Variants in LUC7L observed in about 807,000 individuals in gnomAD.
LUC7L encodes putative RNA-binding protein Luc7-like 1.
LUC7L carries 29 observed loss-of-function variants against 51.1 expected under a neutral mutation model. That is an observed-to-expected ratio of 0.57 (90% CI 0.42 to 0.77). LUC7L has a LOEUF of 0.77. Ranked by LOEUF, LUC7L falls within the 30% of genes least tolerant of loss-of-function variation. The probability of loss-of-function intolerance (pLI) is 0.00; values close to 1 mark genes in which losing one functional copy is unlikely to be tolerated. For missense variants in LUC7L, 403 were observed against 511.9 expected, an observed-to-expected ratio of 0.79 and a Z score of 2.05; for synonymous variants, 181 against 180.7, an observed-to-expected ratio of 1.00 and a Z score of -0.01.
intron 3 of LUC7L, among the ~76,000 whole-genome samples, chr16:213,775 C>T (rs899456452): frequency 4.5e-4 from 68 of 151,980 alleles, no homozygotes; most frequent in African/African-American, 1.4e-3. Flanking sequence ...AGTGCAGTGG[C>T]GCAATCTCGG....
intron 2 of LUC7L, 107 bp downstream of exon 2, chr16:227,135 G>C (rs764019440): frequency 2.4e-4 from 199 of 829,308 alleles, no homozygotes; most frequent in Non-Finnish European, 3.4e-4. Context: ...AAGCCACTTA[G>C]AGAAAAAGAG....
intron 4 of LUC7L, among the ~76,000 whole-genome samples, chr16:207,721 T>C (rs1423791718): frequency 2.0e-5 from 3 of 152,058 alleles, no homozygotes; most frequent in Non-Finnish European, 4.4e-5. Context: ...TTAATAGCTA[T>C]TGACAACGCC....
At chr16:216,075 C>A (rs2049787481) in intron 3 of LUC7L, among the ~76,000 whole-genome samples, 1 of 152,056 alleles carries the variant, frequency 6.6e-6, no homozygotes, top group African/African-American at 2.4e-5. Flanking sequence ...GATCTTGGCT[C>A]ACTGCAACCT....
chr16:226,248 G>GCT (rs2050130101), intron 2 of LUC7L, among the ~76,000 whole-genome samples: 1 of 152,156 alleles, frequency 6.6e-6, no homozygotes, highest in Non-Finnish European at 1.5e-5. Flanking sequence ...TATAAGCAAT[G>GCT]ATTCATCATG....
chr16:223,229 G>C (rs1364009646), intron 2 of LUC7L, among the ~76,000 whole-genome samples: 4 of 151,846 alleles, frequency 2.6e-5, no homozygotes, highest in Admixed American at 2.0e-4. Flanking sequence ...GGCGCCTGTA[G>C]TCCCAGCTAC....
At chr16:192,380 G>A (rs1033090093) in intron 7 of LUC7L, among the ~76,000 whole-genome samples, 1 of 152,006 alleles carries the variant, frequency 6.6e-6, no homozygotes, top group African/African-American at 2.4e-5. Flanking sequence ...CACTCAGTAA[G>A]TAAACAGCAG....
At chr16:229,133 G>C in intron 1 of LUC7L, 146 bp downstream of exon 1, 1 of 1,403,834 alleles carries the variant, frequency 7.1e-7, no homozygotes, top group Non-Finnish European at 9.2e-7. Context: ...ACAAAGGCCC[G>C]GCGCCTGCGG....
Position 206,106 on chromosome 16 carries a change from G to C in LUC7L, c.408C>G (p.Leu136=), listed in dbSNP as rs760356801. The C allele has an allele frequency of 6.2e-7, 1 of 1,613,870 alleles. No individual in the cohort carries two copies. The highest frequency in any genetic ancestry group is 1.1e-5 in the South Asian group (1 of 90,988). ...VHELNEEIGK[L]LAKAEQLGAE... ...CCCCTAGCTGTTCGGCTTTAGCAAG[G>C]AGTTTTCCTATTTCTTCATTTAACT... is the stretch of plus-strand genomic sequence containing the variant. The change falls in exon 5 of 10, where the codon CTC becomes CTG. Residue 136 remains leucine, a synonymous_variant. Transcript: ENST00000293872.
At chr16:221,924 C>A (rs1381523545) in intron 2 of LUC7L, among the ~76,000 whole-genome samples, 1 of 152,126 alleles carries the variant, frequency 6.6e-6, no homozygotes, top group Non-Finnish European at 1.5e-5. Context: ...TAAAGGAGAA[C>A]AGGCTGGTTC....
intron 6 of LUC7L, among the ~76,000 whole-genome samples, chr16:198,126 A>T: frequency 6.6e-6 from 1 of 151,612 alleles, no homozygotes; most frequent in African/African-American, 2.4e-5. Flanking sequence ...AACAACAACA[A>T]AAATTAGCCG....
At chr16:220,537 C>T in intron 3 of LUC7L, 112 bp downstream of exon 3, 1 of 777,984 alleles carries the variant, frequency 1.3e-6, no homozygotes, top group Non-Finnish European at 2.2e-6. Context: ...GGCAGGATAA[C>T]AAGCAACTAC....
At chr16:195,370 A>C (rs1026790417) in intron 6 of LUC7L, among the ~76,000 whole-genome samples, 2 of 151,994 alleles carry the variant, frequency 1.3e-5, no homozygotes, top group African/African-American at 4.8e-5. Context: ...CAGTGACAAT[A>C]AGCTATCAGC....
chr16:203,868 T>C (rs2049403611), intron 5 of LUC7L, among the ~76,000 whole-genome samples: 1 of 151,360 alleles, frequency 6.6e-6, no homozygotes, highest in South Asian at 2.1e-4. Context: ...CACAAAAAAT[T>C]AGCCAGGTAT....
chr16:192,893 A>G (rs2142038376), intron 7 of LUC7L, 34 bp downstream of exon 7: 2 of 1,568,462 alleles, frequency 1.3e-6, no homozygotes, highest in South Asian at 1.1e-5. Context: ...CCCGAGGCCA[A>G]TGCAGGCCAT....
chr16:213,393 A>G (rs2049699543), intron 3 of LUC7L, among the ~76,000 whole-genome samples: 1 of 151,740 alleles, frequency 6.6e-6, no homozygotes, highest in South Asian at 2.1e-4. Context: ...AAAGGCCCAC[A>G]ATTTTTTTTT....
intron 7 of LUC7L, among the ~76,000 whole-genome samples, chr16:192,218 C>T (rs984471449): frequency 6.6e-6 from 1 of 152,128 alleles, no homozygotes; most frequent in African/African-American, 2.4e-5. Flanking sequence ...ACTCCTTGCA[C>T]CCCTTACCTG....
chr16:190,131 G>A lies in LUC7L; in HGVS notation c.811C>T (p.Arg271Cys), dbSNP rs772200033. The A allele has an allele frequency of 1.5e-5, 24 of 1,609,782 alleles. No individual in the cohort carries two copies. The highest frequency in any genetic ancestry group is 2.0e-5 in the Non-Finnish European group (24 of 1,179,544). ...GSRTRDRRRSRSRDRRRRRSR... is the reference protein window; with the variant it reads ...GSRTRDRRRSCSRDRRRRRSR... Reference sequence around the variant, plus strand: ...CGCCTCCGACGCCGATCCCGGGAGCGTGACCTGAACAATCAGAAGGCTCCA... The same window carrying A: ...CGCCTCCGACGCCGATCCCGGGAGCATGACCTGAACAATCAGAAGGCTCCA... The change falls in exon 9 of 10, where the codon CGC becomes TGC. Residue 271 changes from arginine to cysteine, a missense_variant. Arg to Cys is a radical substitution (Grantham distance 180). Coordinates refer to ENST00000293872, the MANE Select transcript of LUC7L (RefSeq NM_201412.3).
At chr16:216,380 GTTTTTTTTTTT>G (rs34292372) in intron 3 of LUC7L, among the ~76,000 whole-genome samples, 6 of 107,306 alleles carry the variant, frequency 5.6e-5, no homozygotes, top group Non-Finnish European at 1.1e-4. Flanking sequence ...TCAAATAGTT[GTTTTTTTTTTT>G]TTTTTTTTTG....
chr16:191,582 C>T (rs2049011735), intron 7 of LUC7L, among the ~76,000 whole-genome samples: 1 of 152,220 alleles, frequency 6.6e-6, no homozygotes, highest in African/African-American at 2.4e-5. Context: ...CGTGGTGGCT[C>T]ACGCTTGTAA....
Sources: allele counts gnomAD v4.1 joint callset (sites outside exome capture counted in the v4.1 genomes callset), GRCh38; gene constraint gnomAD v4.1.1; transcripts MANE v1.5; gene names NCBI Gene and HGNC (gene_info 2026-07-23, HGNC 2026-07-21).